Variants in STK4 observed in about 807,000 individuals in gnomAD.
The protein encoded by STK4 is serine/threonine kinase 4.
A neutral mutation model predicts 64.9 loss-of-function variants in STK4; 30 were observed. That is an observed-to-expected ratio of 0.46 (90% confidence interval 0.35 to 0.63). The LOEUF is 0.63. Among genes scored for constraint, STK4 ranks in the 20% least tolerant of loss-of-function variants. The probability of loss-of-function intolerance (pLI) is 0.01; values close to 1 mark genes in which losing one functional copy is unlikely to be tolerated. For synonymous variants in STK4, 177 were observed against 199.0 expected (o/e 0.89, Z 0.93); for missense variants, 466 against 598.5 (o/e 0.78, Z 2.31).
chr20:45,066,134 A>G (rs985147957), intron 10 of STK4, among the ~76,000 whole-genome samples: 3 of 151,888 alleles, frequency 2.0e-5, no homozygotes, highest in Non-Finnish European at 2.9e-5. Context: ...GTGTATGTGT[A>G]TATATATACA....
intron 10 of STK4, among the ~76,000 whole-genome samples, chr20:45,050,340 T>G (rs1391503790): frequency 6.6e-6 from 1 of 152,248 alleles, no homozygotes; most frequent in African/African-American, 2.4e-5. Flanking sequence ...CTGTTGTCTT[T>G]GCCAGTCTCT....
rs552199318 is a variant in STK4 at position 45,073,209 on chromosome 20, C to T, written c.1306-1809C>T. ...ATTGCTATTAGGGGTGTCCTTGGGC[C>T]AAGAACACCAACCTCTAAGGTAGTA... On this transcript the variant is annotated intron_variant, in intron 10 of 10. Coordinates refer to ENST00000372806, the MANE Select transcript of STK4 (RefSeq NM_006282.5). 1.8e-4 allele frequency among the ~76,000 whole-genome samples: 28 copies of T among 151,990 alleles called. 2 individuals are homozygous for T. In the South Asian group the frequency reaches 5.8e-3, roughly 32 times the overall value.
At chr20:44,975,319 T>G in intron 2 of STK4, 1 of 982,752 alleles carries the variant, frequency 1.0e-6, no homozygotes, top group Non-Finnish European at 1.2e-6. Flanking sequence ...TATCCCTGCC[T>G]TCAGATTACT....
intron 7 of STK4, among the ~76,000 whole-genome samples, chr20:44,998,716 A>G (rs986047427): frequency 6.6e-6 from 1 of 152,252 alleles, no homozygotes; most frequent in Non-Finnish European, 1.5e-5. Flanking sequence ...GTTTGCAGAC[A>G]TAATGAAATA....
chr20:45,073,020 C>G (rs946037584), intron 10 of STK4, among the ~76,000 whole-genome samples: 2 of 152,082 alleles, frequency 1.3e-5, no homozygotes, highest in Non-Finnish European at 2.9e-5. Flanking sequence ...AGGAGGAAAC[C>G]GAGGCTCAAG....
intron 10 of STK4, among the ~76,000 whole-genome samples, chr20:45,043,336 G>A (rs561389647): frequency 1.3e-5 from 2 of 152,328 alleles, no homozygotes; most frequent in East Asian, 3.9e-4. Flanking sequence ...TGATAAAGTT[G>A]CAGTTGTGTA....
intron 10 of STK4, among the ~76,000 whole-genome samples, chr20:45,055,964 C>A (rs1310743194): frequency 5.9e-5 from 9 of 152,194 alleles, no homozygotes. Context: ...AACTCCTGAC[C>A]TCATGATCTG....
At position 44,972,094 on chromosome 20, in the gene STK4, G is replaced by A; in HGVS notation, c.52G>A (p.Asp18Asn). 6.2e-7 allele frequency: 1 copy of A among 1,613,898 alleles called. No homozygotes were observed. The change falls in exon 2 of 11, where the codon GAT becomes AAT. Residue 18 changes from aspartate to asparagine, a missense_variant. Asp to Asn is a conservative substitution (Grantham distance 23, BLOSUM62 1). Coordinates refer to ENST00000372806, the MANE Select transcript of STK4 (RefSeq NM_006282.5). Reference protein sequence around the residue: ...NPPRRQLKKLDEDSLTKQPEE... With the variant: ...NPPRRQLKKLNEDSLTKQPEE... ...TATTCACAGGCAGCTGAAAAAGTTG[G>A]ATGAAGATAGTTTAACCAAACAACC... is the stretch of plus-strand genomic sequence containing the variant.
chr20:44,996,842 A>C (rs1044014147), intron 6 of STK4, among the ~76,000 whole-genome samples: 2 of 152,136 alleles, frequency 1.3e-5, no homozygotes, highest in African/African-American at 4.8e-5. Flanking sequence ...GGTTATCTTT[A>C]GGATGTAGAT....
At chr20:45,006,595 A>G (rs1380785701) in intron 9 of STK4, among the ~76,000 whole-genome samples, 3 of 152,108 alleles carry the variant, frequency 2.0e-5, no homozygotes, top group African/African-American at 7.2e-5. Context: ...GGTGAGAATT[A>G]TCTTGCTCGG....
chr20:45,017,529 C>G (rs2299975), intron 9 of STK4, among the ~76,000 whole-genome samples: 1 of 151,870 alleles, frequency 6.6e-6, no homozygotes, highest in Non-Finnish European at 1.5e-5. Flanking sequence ...TCAGGTTGGC[C>G]GAAGCAGATG....
chr20:44,987,558 A>G (rs985487084), intron 5 of STK4, among the ~76,000 whole-genome samples: 29 of 152,218 alleles, frequency 1.9e-4, no homozygotes, highest in Admixed American at 2.0e-4. Context: ...CTAGTGCACT[A>G]CATCAACATA....
chr20:45,000,683 G>C (rs2067822066), intron 8 of STK4, 163 bp downstream of exon 8: 3 of 1,005,528 alleles, frequency 3.0e-6, no homozygotes, highest in African/African-American at 3.2e-5. Flanking sequence ...GAGGGTTGTT[G>C]TATCTGTGCT....
At chr20:45,063,716 A>G (rs992087494) in intron 10 of STK4, among the ~76,000 whole-genome samples, 8 of 152,056 alleles carry the variant, frequency 5.3e-5, no homozygotes, top group African/African-American at 1.9e-4. Context: ...CATGGTTTTT[A>G]TAGTTTTAGA....
At chr20:45,005,505 G>A (rs544063138) in intron 9 of STK4, among the ~76,000 whole-genome samples, 2 of 151,892 alleles carry the variant, frequency 1.3e-5, no homozygotes, top group African/African-American at 4.8e-5. Flanking sequence ...AATATTAGCC[G>A]GGCATGGTGG....
chr20:45,072,310 G>A (rs564755690), intron 10 of STK4, among the ~76,000 whole-genome samples: 2 of 152,304 alleles, frequency 1.3e-5, no homozygotes, highest in African/African-American at 4.8e-5. Context: ...TGCAGAATAA[G>A]TTGCAAAGTC....
At chr20:45,021,551 G>T (rs764185609) in intron 9 of STK4, among the ~76,000 whole-genome samples, 17 of 152,170 alleles carry the variant, frequency 1.1e-4, no homozygotes, top group South Asian at 4.1e-4. Context: ...GCCAGTTAAG[G>T]TGGCTTCCCC....
chr20:45,008,593 C>G lies in STK4; in HGVS notation c.1147+7240C>G, dbSNP rs189363868. 8.3e-4 allele frequency among the ~76,000 whole-genome samples: 126 copies of G among 152,228 alleles called. 1 individual carries two copies. Among genetic ancestry groups the G allele is most frequent in the South Asian group, 4.2e-3 (20 of 4,818 alleles). ...AGTAATGGGATTGGTGTTTTAAGTT[C>G]TTTGAGAAATTAGCAAACTGCTTTT... On this transcript the variant is annotated intron_variant, in intron 9 of 10. Transcript: ENST00000372806.
intron 9 of STK4, among the ~76,000 whole-genome samples, chr20:45,022,959 C>G (rs1234914588): frequency 1.3e-5 from 2 of 152,202 alleles, no homozygotes; most frequent in African/African-American, 4.8e-5. Flanking sequence ...GCAGCTTACT[C>G]TCAAATTTTA....
Sources: gnomAD v4.1 joint callset for allele counts (sites outside exome capture counted in the v4.1 genomes callset) on GRCh38, gnomAD v4.1.1 for gene constraint, MANE v1.5 for transcripts, NCBI Gene and HGNC (gene_info 2026-07-23, HGNC 2026-07-21) for gene names.